CHST11: variants seen among roughly 807,000 people sequenced by gnomAD.
The protein encoded by CHST11 is carbohydrate sulfotransferase 11.
Under a neutral mutation model 30.4 loss-of-function variants are expected in CHST11, and 9 were observed. The observed-to-expected ratio is 0.30, with a 90% CI of 0.18 to 0.52. The LOEUF is 0.52. Among genes scored for constraint, CHST11 ranks in the 20% least tolerant of loss-of-function variants. The pLI is 0.97. For missense variants in CHST11, 348 were observed against 460.6 expected, an observed-to-expected ratio of 0.76 and a Z score of 2.24; for synonymous variants, 152 against 187.8, an observed-to-expected ratio of 0.81 and a Z score of 1.56.
chr12:104,670,271 G>A (rs1450024192), intron 2 of CHST11, among the ~76,000 whole-genome samples: 5 of 152,118 alleles, frequency 3.3e-5, no homozygotes, highest in Non-Finnish European at 5.9e-5. Flanking sequence ...GTAGCAGAGC[G>A]AGTCCTCAAA....
In CHST11 at chr12:104,756,954, G is replaced by A. The variant is rs1287374495; in HGVS notation, c.210G>A (p.Glu70=). The change falls in exon 3 of 3, where the codon GAG becomes GAA. Residue 70 remains glutamate (E), a synonymous_variant. Coordinates refer to ENST00000303694, the MANE Select transcript of CHST11 (RefSeq NM_018413.6). ...GTCTTGTGTCTCCTCTGCAGCTGGA[G>A]CTCTCAAACACTGCTGTCCTGCACC... ...LQELYNPIQL[E]LSNTAVLHQM... is the part of the protein sequence containing the mutation. 4 of 1,610,134 alleles carry A rather than the reference G, an allele frequency of 2.5e-6. No homozygotes were observed. The African/African-American group carries it at 5.3e-5, about 22-fold the overall frequency.
At chr12:104,752,732 T>C (rs532201851) in intron 2 of CHST11, among the ~76,000 whole-genome samples, 5 of 152,108 alleles carry the variant, frequency 3.3e-5, no homozygotes, top group Non-Finnish European at 7.4e-5. Flanking sequence ...TTTCGCCATG[T>C]TGGCCAGGGT....
intron 1 of CHST11, 53 bp downstream of exon 1, chr12:104,457,582 C>G (rs564576640): frequency 2.6e-4 from 334 of 1,281,266 alleles, no homozygotes; most frequent in Non-Finnish European, 3.6e-4. Context: ...CTCTCGCGCT[C>G]TAGCTCGCTC....
chr12:104,518,315 C>T (rs1208534192), intron 1 of CHST11, among the ~76,000 whole-genome samples: 1 of 152,000 alleles, frequency 6.6e-6, no homozygotes, highest in African/African-American at 2.4e-5. Flanking sequence ...ATAAAGACCA[C>T]CTTTGAGTTA....
intron 2 of CHST11, among the ~76,000 whole-genome samples, chr12:104,692,373 G>A (rs375834876): frequency 2.6e-5 from 4 of 152,286 alleles, no homozygotes; most frequent in African/African-American, 4.8e-5. Context: ...TGGCGTGACC[G>A]GCAAAAATAG....
chr12:104,650,543 T>C (rs907601919), intron 2 of CHST11, among the ~76,000 whole-genome samples: 1 of 151,942 alleles, frequency 6.6e-6, no homozygotes, highest in Non-Finnish European at 1.5e-5. Flanking sequence ...TCACCAGAAC[T>C]CTCTGCTTAT....
At chr12:104,639,837 A>T (rs2039358606) in intron 2 of CHST11, among the ~76,000 whole-genome samples, 1 of 152,212 alleles carries the variant, frequency 6.6e-6, no homozygotes, top group Non-Finnish European at 1.5e-5. Flanking sequence ...CATACCTAAA[A>T]AAAGACTCAT....
intron 1 of CHST11, among the ~76,000 whole-genome samples, chr12:104,489,115 C>T (rs1246859902): frequency 6.6e-6 from 1 of 152,074 alleles, no homozygotes; most frequent in Non-Finnish European, 1.5e-5. Context: ...TGGCTCACTG[C>T]AACCTCCACC....
chr12:104,668,603 C>A (rs541019656), intron 2 of CHST11, among the ~76,000 whole-genome samples: 12 of 152,330 alleles, frequency 7.9e-5, no homozygotes, highest in African/African-American at 2.4e-4. Flanking sequence ...CATTCCAGGT[C>A]TTTCCAGCTG....
At chr12:104,534,050 A>G (rs1161489923) in intron 1 of CHST11, among the ~76,000 whole-genome samples, 1 of 152,202 alleles carries the variant, frequency 6.6e-6, no homozygotes, top group Non-Finnish European at 1.5e-5. Flanking sequence ...TTAATAGAGA[A>G]AGGGAAAACT....
chr12:104,622,166 A>G (rs1275107958), intron 2 of CHST11, among the ~76,000 whole-genome samples: 1 of 152,194 alleles, frequency 6.6e-6, no homozygotes, highest in Non-Finnish European at 1.5e-5. Context: ...ACAACCACAC[A>G]TTCAACCTGA....
chr12:104,557,567 G>A (rs560285835), intron 1 of CHST11, among the ~76,000 whole-genome samples: 4 of 152,286 alleles, frequency 2.6e-5, no homozygotes, highest in African/African-American at 9.6e-5. Context: ...CCAGAGGGGA[G>A]AGGAGGGCGG....
intron 2 of CHST11, among the ~76,000 whole-genome samples, chr12:104,730,467 G>A (rs1262436433): frequency 6.6e-6 from 1 of 152,320 alleles, no homozygotes; most frequent in Non-Finnish European, 1.5e-5. Context: ...TAGGTGTGAG[G>A]GAGGGGCTAG....
intron 1 of CHST11, among the ~76,000 whole-genome samples, chr12:104,534,530 G>A (rs932863957): frequency 1.1e-4 from 17 of 152,070 alleles, no homozygotes; most frequent in South Asian, 1.0e-3. Flanking sequence ...TTTTGAATTC[G>A]TTCTTATCAC....
intron 2 of CHST11, among the ~76,000 whole-genome samples, chr12:104,719,431 G>C (rs1048341165): frequency 6.6e-6 from 1 of 152,112 alleles, no homozygotes; most frequent in African/African-American, 2.4e-5. Flanking sequence ...ATCCACCCAC[G>C]CTCCCCTTGC....
At chr12:104,602,859 C>T (rs1010337257) in intron 2 of CHST11, among the ~76,000 whole-genome samples, 6 of 152,242 alleles carry the variant, frequency 3.9e-5, no homozygotes, top group South Asian at 2.1e-4. Flanking sequence ...AGATAATGCA[C>T]GGGCCTCAAA....
intron 2 of CHST11, among the ~76,000 whole-genome samples, chr12:104,710,757 C>A (rs12369305): frequency 2.0e-5 from 3 of 152,224 alleles, no homozygotes; most frequent in Non-Finnish European, 4.4e-5. Context: ...CTCCCCTCTT[C>A]TATTTAACAC....
At chr12:104,494,968 C>G (rs2037786148) in intron 1 of CHST11, among the ~76,000 whole-genome samples, 1 of 152,136 alleles carries the variant, frequency 6.6e-6, no homozygotes. Context: ...CAAACAACAA[C>G]TCCCCATTTT....
chr12:104,504,769 C>T (rs1045334542), intron 1 of CHST11, among the ~76,000 whole-genome samples: 13 of 152,010 alleles, frequency 8.6e-5, no homozygotes, highest in African/African-American at 2.9e-4. Context: ...AGTTGGAGAC[C>T]AGCCTGAGCA....
Sources: gnomAD v4.1 joint callset for allele counts (sites outside exome capture counted in the v4.1 genomes callset) on GRCh38, gnomAD v4.1.1 for gene constraint, MANE v1.5 for transcripts, NCBI Gene and HGNC (gene_info 2026-07-23, HGNC 2026-07-21) for gene names.